ZKSCAN5: variants seen among roughly 807,000 people sequenced by gnomAD.
ZKSCAN5 encodes zinc finger with KRAB and SCAN domains 5, also known as zinc finger protein with KRAB and SCAN domains 5.
Under a neutral mutation model 60.0 loss-of-function variants are expected in ZKSCAN5, and 28 were observed. The observed-to-expected ratio is 0.47, with a 90% confidence interval of 0.35 to 0.64. The LOEUF is 0.64. Among genes scored for constraint, ZKSCAN5 ranks in the 30% least tolerant of loss-of-function variants. The pLI is 0.01. For missense variants in ZKSCAN5, 881 were observed against 1,034.6 expected, an observed-to-expected ratio of 0.85 and a Z score of 2.04; for synonymous variants, 361 against 371.2, an observed-to-expected ratio of 0.97 and a Z score of 0.31.
chr7:99,508,569 T>C (rs1368937335), intron 2 of ZKSCAN5, among the ~76,000 whole-genome samples: 1 of 151,632 alleles, frequency 6.6e-6, no homozygotes, highest in African/African-American at 2.4e-5. Flanking sequence ...GCCAACATGG[T>C]GAAACCCCGT....
Position 99,506,439 on chromosome 7 carries a change from T to C in ZKSCAN5, c.395T>C (p.Leu132Pro), listed in dbSNP as rs768590157. The C allele has an allele frequency of 6.2e-7, 1 of 1,611,974 alleles. No homozygotes were observed. Among genetic ancestry groups the C allele is most frequent in the South Asian group, 1.1e-5 (1 of 91,020 alleles). Reference sequence around the variant, plus strand: ...GTGATAGAAAATATACAGCGAGAACTTGAGGAACGCAGACAGCAGGTGAGT... The same window carrying C: ...GTGATAGAAAATATACAGCGAGAACCTGAGGAACGCAGACAGCAGGTGAGT... ...VAVIENIQRE[L>P]EERRQQIVAC... is the part of the protein sequence containing the mutation. Residue 132 changes from leucine (L) to proline (P), a missense_variant, in exon 2 of 7, where the codon CTT becomes CCT. Leu to Pro is a moderately conservative substitution (Grantham distance 98). Transcript: ENST00000326775.
Position 99,531,909 on chromosome 7 carries a change from G to T in ZKSCAN5, c.2180G>T (p.Gly727Val). 6.2e-7 allele frequency: 1 copy of T among 1,614,092 alleles called. No homozygotes were observed. Among genetic ancestry groups the T allele is most frequent in the Non-Finnish European group, 8.5e-7 (1 of 1,180,028 alleles). The change falls in exon 7 of 7, where the codon GGT becomes GTT. Residue 727 changes from glycine (G) to valine (V), a missense_variant. Gly to Val is a moderately radical substitution (Grantham distance 109). Transcript: ENST00000326775. ...YQCDICGKAF[G>V]YSSDLIQHYR... ...TGTGATATCTGTGGAAAAGCCTTTG[G>T]TTATAGCTCAGACCTCATTCAGCAT...
Position 99,531,349 on chromosome 7 carries a change from A to G in ZKSCAN5, c.1620A>G (p.Lys540=), listed in dbSNP as rs1802036943. 1 of 1,614,216 alleles carries G rather than the reference A, an allele frequency of 6.2e-7. No homozygotes were observed. Among genetic ancestry groups the G allele is most frequent in the Non-Finnish European group, 8.5e-7 (1 of 1,180,034 alleles). ...MNYSEVPYVH[K]KSSTGERPHK... ...ACAGTGAAGTCCCATATGTCCACAAAAAATCCTCCACTGGAGAGAGACCAC... is the reference window on the plus strand; with the variant it reads ...ACAGTGAAGTCCCATATGTCCACAAGAAATCCTCCACTGGAGAGAGACCAC... Residue 540 remains lysine (K), a synonymous_variant, in exon 7 of 7, where the codon AAA becomes AAG. Transcript: ENST00000326775.
intron 5 of ZKSCAN5, 30 bp from the exon 6 acceptor site, chr7:99,525,783 C>G: frequency 6.4e-7 from 1 of 1,568,666 alleles, no homozygotes; most frequent in Non-Finnish European, 8.6e-7. Context: ...AGGAAAAGCT[C>G]ATTTTTTAAT....
At position 99,526,085 on chromosome 7, in the gene ZKSCAN5, A is replaced by G. The variant is rs776945165; in HGVS notation, c.1045A>G (p.Ser349Gly). ...STHGERGHRC[S>G]DCGKFFLQAS... ...ACATGGCGAGAGAGGGCACAGATGC[A>G]GCGATTGTGGCAAATTCTTCCTCCA... Residue 349 changes from serine to glycine, a missense_variant, in exon 6 of 7, where the codon AGC becomes GGC. This residue lies in a region of ZKSCAN5 where 490 missense variants were observed against 554.5 expected (regional missense o/e 0.88). Coordinates refer to ENST00000326775, the MANE Select transcript of ZKSCAN5 (RefSeq NM_145102.4). The G allele has an allele frequency of 6.2e-7, 1 of 1,614,226 alleles. No individual in the cohort carries two copies. Among genetic ancestry groups the G allele is most frequent in the Non-Finnish European group, 8.5e-7 (1 of 1,180,046 alleles).
chr7:99,507,511 GTGTGTATATATGTATA>G (rs1562901543), intron 2 of ZKSCAN5, among the ~76,000 whole-genome samples: 1 of 137,644 alleles, frequency 7.3e-6, no homozygotes, highest in Non-Finnish European at 1.5e-5. Context: ...GTATATATAT[GTGTGTATATATGTATA>G]TGTGTATATA....
At chr7:99,523,530 AGG>A (rs1187147107) in intron 5 of ZKSCAN5, among the ~76,000 whole-genome samples, 1 of 152,162 alleles carries the variant, frequency 6.6e-6, no homozygotes. Flanking sequence ...CGCTTCAACC[AGG>A]GAGTTAGAAG....
intron 2 of ZKSCAN5, among the ~76,000 whole-genome samples, chr7:99,510,036 C>A (rs1649354529): frequency 6.6e-6 from 1 of 152,046 alleles, no homozygotes; most frequent in Non-Finnish European, 1.5e-5. Context: ...CCTCGAACTC[C>A]TGGCCTCAAG....
chr7:99,511,609 A>AT (rs1320953304), intron 2 of ZKSCAN5, among the ~76,000 whole-genome samples: 1 of 150,950 alleles, frequency 6.6e-6, no homozygotes. Flanking sequence ...TGCCTGGCTA[A>AT]TTTTTTAATT....
chr7:99,516,546 G>T (rs1478609500), intron 3 of ZKSCAN5, among the ~76,000 whole-genome samples: 1 of 152,016 alleles, frequency 6.6e-6, no homozygotes, highest in South Asian at 2.1e-4. Context: ...TACCAACAGG[G>T]TCTAAACTAT....
chr7:99,508,468 T>C (rs1186627165), intron 2 of ZKSCAN5, among the ~76,000 whole-genome samples: 1 of 151,172 alleles, frequency 6.6e-6, no homozygotes, highest in Non-Finnish European at 1.5e-5. Context: ...TAAGATGCAA[T>C]ATTGGCCGGG....
chr7:99,526,378 C>T lies in ZKSCAN5; in HGVS notation c.1338C>T (p.Ile446=), dbSNP rs148650223. The change falls in exon 6 of 7, where the codon ATC becomes ATT. Residue 446 remains isoleucine (I), a synonymous_variant. Transcript: ENST00000326775. ...GKNFGRHSHL[I]EHLKRHFREK... ...ACTTCGGTCGCCATTCGCATCTGAT[C>T]GAACACCTAAAACGCCACTTCAGGG... is the stretch of plus-strand genomic sequence containing the variant. The T allele has an allele frequency of 4.2e-5, 67 of 1,602,308 alleles. No homozygotes were observed. In the African/African-American group the frequency reaches 6.4e-4, roughly 15 times the overall value.
intron 2 of ZKSCAN5, among the ~76,000 whole-genome samples, chr7:99,511,643 G>A (rs1030988287): frequency 6.6e-6 from 1 of 151,404 alleles, no homozygotes; most frequent in Non-Finnish European, 1.5e-5. Flanking sequence ...GGGTCTCACT[G>A]TGTTGCCCAG....
intron 6 of ZKSCAN5, among the ~76,000 whole-genome samples, chr7:99,528,774 C>T (rs1801918800): frequency 6.6e-6 from 1 of 152,176 alleles, no homozygotes; most frequent in African/African-American, 2.4e-5. Flanking sequence ...TTTTGCACAT[C>T]CAGCCATATT....
chr7:99,530,286 C>T (rs1332870062), intron 6 of ZKSCAN5, among the ~76,000 whole-genome samples: 3 of 152,082 alleles, frequency 2.0e-5, no homozygotes, highest in Non-Finnish European at 2.9e-5. Context: ...CTGCCCGCCT[C>T]GGCCTCCCAT....
At chr7:99,508,188 A>G (rs1800852073) in intron 2 of ZKSCAN5, among the ~76,000 whole-genome samples, 1 of 151,872 alleles carries the variant, frequency 6.6e-6, no homozygotes, top group African/African-American at 2.4e-5. Context: ...AATCCCAGGC[A>G]CTCGGGAGGC....
chr7:99,509,412 C>T (rs1800915535), intron 2 of ZKSCAN5, among the ~76,000 whole-genome samples: 2 of 152,050 alleles, frequency 1.3e-5, no homozygotes, highest in Admixed American at 6.6e-5. Flanking sequence ...GTGTGAGCCA[C>T]CACGCCTGAC....
chr7:99,510,663 C>T (rs1007512520), intron 2 of ZKSCAN5, among the ~76,000 whole-genome samples: 2 of 151,900 alleles, frequency 1.3e-5, no homozygotes, highest in South Asian at 2.1e-4. Flanking sequence ...AGGCTGGTCT[C>T]GAACTCCTGA....
At chr7:99,530,465 A>G (rs779338598) in intron 6 of ZKSCAN5, among the ~76,000 whole-genome samples, 7 of 151,824 alleles carry the variant, frequency 4.6e-5, no homozygotes, top group Non-Finnish European at 1.0e-4. Context: ...TGTATATATT[A>G]TTTTGAGAAC....
Sources: allele counts gnomAD v4.1 joint callset (sites outside exome capture counted in the v4.1 genomes callset), GRCh38; gene constraint gnomAD v4.1.1; regional missense constraint gnomAD v4.1.1; transcripts MANE v1.5; gene names NCBI Gene and HGNC (gene_info 2026-07-23, HGNC 2026-07-21).